The following RBFOX1 variants were observed in gnomAD, a reference collection of about 807,000 sequenced individuals.
The protein encoded by RBFOX1 is RNA binding fox-1 homolog 1.
A neutral mutation model predicts 57.7 loss-of-function variants in RBFOX1; 8 were observed. That is an observed-to-expected ratio of 0.14 (90% CI 0.08 to 0.25). RBFOX1 has a LOEUF of 0.25. Ranked by LOEUF, RBFOX1 falls within the 10% of genes least tolerant of loss-of-function variation. RBFOX1 has a pLI of 1.00. For missense variants in RBFOX1, 611 were observed against 548.5 expected (o/e 1.11, Z -1.14); for synonymous variants, 326 against 222.4 (o/e 1.47, Z -4.15).
intron 4 of RBFOX1, among the ~76,000 whole-genome samples, chr16:7,117,749 T>C (rs771341243): frequency 2.6e-5 from 4 of 152,210 alleles, no homozygotes; most frequent in Non-Finnish European, 4.4e-5. Flanking sequence ...CTGGGTTCTC[T>C]GCTTAAAATC....
intron 2 of RBFOX1, among the ~76,000 whole-genome samples, chr16:6,559,837 G>C (rs1044751591): frequency 1.3e-5 from 2 of 152,112 alleles, no homozygotes; most frequent in Non-Finnish European, 2.9e-5. Flanking sequence ...GTTGTTCCCT[G>C]AAGCTCCCTT....
rs569712803 is a variant in RBFOX1, at chr16:6,794,316, C to G, written c.-16+139666C>G. Among the ~76,000 whole-genome samples the G allele has an allele frequency of 5.8e-5, 8 of 138,630 alleles. No homozygotes were observed. The South Asian group carries it at 1.9e-3, about 33-fold the overall frequency. 90.9% of individuals were successfully genotyped at this position (138,630 alleles called of 152,430 possible). ...TTTTTTTTTTTACAATGAAGGCATT[C>G]CAATCGGGCTAATACAAACATGAGG... On this transcript the variant is annotated intron_variant, in intron 3 of 15. Transcript: ENST00000550418.
At chr16:7,478,042 C>T (rs1473837550) in intron 4 of RBFOX1, among the ~76,000 whole-genome samples, 3 of 152,338 alleles carry the variant, frequency 2.0e-5, no homozygotes, top group East Asian at 3.9e-4. Context: ...AGAAAATTAA[C>T]TCCAAATCGA....
At chr16:5,844,955 G>A (rs1255566427) in intron 3 of RBFOX1, among the ~76,000 whole-genome samples, 1 of 152,064 alleles carries the variant, frequency 6.6e-6, no homozygotes. Flanking sequence ...AATTCAATTA[G>A]CAGGAATTGT....
Position 7,337,787 on chromosome 16 carries a change from C to T in RBFOX1, c.28-180360C>T, listed in dbSNP as rs142924367. On this transcript the variant is annotated intron_variant, in intron 4 of 15. Coordinates refer to ENST00000550418, the MANE Select transcript of RBFOX1 (RefSeq NM_018723.4). ...GCAACCTCCACCTCCCAGGTTCAAG[C>T]GATTCTCCTGCCTCAGCCTCCCAAG... Among the ~76,000 whole-genome samples the T allele has an allele frequency of 3.4e-3, 519 of 152,220 alleles. 3 individuals are homozygous for T. The highest frequency in any genetic ancestry group is 0.012 in the African/African-American group (495 of 41,538).
At chr16:7,533,383 C>T (rs143332073) in intron 5 of RBFOX1, among the ~76,000 whole-genome samples, 2 of 152,106 alleles carry the variant, frequency 1.3e-5, no homozygotes, top group African/African-American at 4.8e-5. Flanking sequence ...CACCTTGAAA[C>T]ACCCATACAC....
At chr16:6,661,211 A>T (rs1783538027) in intron 3 of RBFOX1, among the ~76,000 whole-genome samples, 1 of 152,180 alleles carries the variant, frequency 6.6e-6, no homozygotes, top group Non-Finnish European at 1.5e-5. Flanking sequence ...CATGCAGAAA[A>T]GTTTCAAGAG....
rs192505653 is a variant in RBFOX1, at chr16:6,144,869, C to G, written c.-127+124877C>G. 2.7e-3 allele frequency among the ~76,000 whole-genome samples: 406 copies of G among 152,288 alleles called. 1 individual carries two copies. Among genetic ancestry groups the G allele is most frequent in the Non-Finnish European group, 4.4e-3 (298 of 68,026 alleles). On this transcript the variant is annotated intron_variant, in intron 1 of 15. Transcript: ENST00000550418. ...GTGAATCATCCCTCTTATGCAAGTG[C>G]TTGACAGAATAGTTTGTCCACCTGT...
At chr16:6,937,638 G>C (rs1173560695) in intron 3 of RBFOX1, among the ~76,000 whole-genome samples, 1 of 151,984 alleles carries the variant, frequency 6.6e-6, no homozygotes, top group Non-Finnish European at 1.5e-5. Flanking sequence ...TGGAAAGGTG[G>C]GACAACTGGA....
chr16:6,730,481 C>T (rs918721136), intron 3 of RBFOX1, among the ~76,000 whole-genome samples: 1 of 152,000 alleles, frequency 6.6e-6, no homozygotes, highest in East Asian at 1.9e-4. Flanking sequence ...ATCTAATTAC[C>T]TAACTGTCTA....
intron 5 of RBFOX1, among the ~76,000 whole-genome samples, chr16:7,575,877 A>G (rs569815322): frequency 4.0e-4 from 61 of 152,208 alleles, no homozygotes; most frequent in African/African-American, 1.4e-3. Context: ...CTGCTCTGTC[A>G]TCTCCTGCTG....
At chr16:5,636,559 T>C (rs1271346742) in intron 3 of RBFOX1, among the ~76,000 whole-genome samples, 3 of 152,112 alleles carry the variant, frequency 2.0e-5, no homozygotes, top group Non-Finnish European at 2.9e-5. Context: ...TTGTCATGTT[T>C]TTCTGACTGG....
chr16:7,499,781 T>C (rs1393574917), intron 4 of RBFOX1, among the ~76,000 whole-genome samples: 1 of 152,110 alleles, frequency 6.6e-6, no homozygotes, highest in East Asian at 1.9e-4. Context: ...TCGATCAGCC[T>C]CAGTTTCCTT....
chr16:5,507,318 A>C (rs66875330), intron 2 of RBFOX1, among the ~76,000 whole-genome samples: 18,156 of 151,878 alleles, frequency 0.12, 2,287 homozygotes, highest in African/African-American at 0.31. Flanking sequence ...ATTTTCTCTC[A>C]CTGCTCCCCA....
At chr16:5,462,068 A>G (rs919081409) in intron 1 of RBFOX1, among the ~76,000 whole-genome samples, 22 of 152,090 alleles carry the variant, frequency 1.4e-4, no homozygotes, top group African/African-American at 3.1e-4. Flanking sequence ...CACTGGCACT[A>G]AAGATTACCC....
intron 3 of RBFOX1, among the ~76,000 whole-genome samples, chr16:6,902,890 C>T (rs990938243): frequency 2.6e-5 from 4 of 152,162 alleles, no homozygotes; most frequent in South Asian, 4.1e-4. Flanking sequence ...GACTAAGCTC[C>T]TACTTTAGGC....
chr16:7,358,968 A>G (rs145039622), intron 4 of RBFOX1, among the ~76,000 whole-genome samples: 6 of 152,292 alleles, frequency 3.9e-5, no homozygotes, highest in African/African-American at 1.4e-4. Flanking sequence ...TTTAATAGAC[A>G]ATTAGATTAA....
At chr16:7,435,205 A>T in intron 4 of RBFOX1, among the ~76,000 whole-genome samples, 1 of 151,232 alleles carries the variant, frequency 6.6e-6, no homozygotes. Context: ...CTGGTCTGTG[A>T]CTGTTTCTTA....
intron 3 of RBFOX1, among the ~76,000 whole-genome samples, chr16:6,946,797 G>C (rs12149084): frequency 6.6e-6 from 1 of 151,802 alleles, no homozygotes; most frequent in East Asian, 1.9e-4. Context: ...TGCAGAGACA[G>C]GGTCTCACTG....
Sources: allele counts gnomAD v4.1 joint callset (sites outside exome capture counted in the v4.1 genomes callset), GRCh38; gene constraint gnomAD v4.1.1; transcripts MANE v1.5; gene names NCBI Gene and HGNC (gene_info 2026-07-23, HGNC 2026-07-21).